CDH20: variants seen among roughly 807,000 people sequenced by gnomAD.
CDH20 encodes the protein cadherin-20.
CDH20 carries 29 observed loss-of-function variants against 74.2 expected under a neutral mutation model. That is an observed-to-expected ratio of 0.39 (90% CI 0.29 to 0.53). The LOEUF (loss-of-function observed/expected upper bound fraction) is 0.53. CDH20 is among the 20% of genes least tolerant of loss of function. CDH20 has a pLI of 0.69. For synonymous variants in CDH20, 469 were observed against 405.4 expected (o/e 1.16, Z -1.88); for missense variants, 988 against 1,048.3 (o/e 0.94, Z 0.79).
chr18:61,415,506 C>T (rs1476021710), intron 1 of CDH20, among the ~76,000 whole-genome samples: 2 of 152,032 alleles, frequency 1.3e-5, no homozygotes, highest in African/African-American at 4.8e-5. Context: ...ATGAAAATAC[C>T]ATATTTTCTT....
intron 1 of CDH20, among the ~76,000 whole-genome samples, chr18:61,383,186 T>C (rs1364441302): frequency 6.6e-6 from 1 of 152,210 alleles, no homozygotes; most frequent in Non-Finnish European, 1.5e-5. Flanking sequence ...TCATCAATAA[T>C]GCTTATCTGA....
chr18:61,368,022 A>T (rs1052121576), intron 1 of CDH20, among the ~76,000 whole-genome samples: 26 of 152,150 alleles, frequency 1.7e-4, no homozygotes, highest in African/African-American at 5.3e-4. Context: ...CACCTGTGCC[A>T]AGAACCTATC....
rs1913372262 is a variant in CDH20 at position 61,549,904 on chromosome 18, C to A, written c.1649-74C>A. The A allele has an allele frequency of 5.4e-6, 8 of 1,492,738 alleles. No homozygotes were observed. In the East Asian group the frequency reaches 1.6e-4, roughly 30 times the overall value. The allele number at this position is 1,492,738 out of a possible 1,614,324, so 92.5% of individuals were successfully genotyped here. A position where few individuals can be genotyped will look rare whatever the true frequency, so the allele number is the denominator to read the frequency against. ...CTTTCCTTCCTACACCCTGCCCCTG[C>A]CCCCTTGCTTTCCTCAATCCAAGAA... On this transcript the variant is annotated intron_variant, in intron 10 of 11. Transcript: ENST00000262717.
rs774222927 is a variant in CDH20 at position 61,507,500 on chromosome 18, A to G, written c.957A>G (p.Ala319=). 10 of 1,613,924 alleles carry G rather than the reference A, an allele frequency of 6.2e-6. No individual in the cohort carries two copies. The highest frequency in any genetic ancestry group is 8.5e-6 in the Non-Finnish European group (10 of 1,179,904). Reference sequence around the variant, plus strand: ...ATACTATTGTGGATGGAGATGGTGCAGATGCCTTTGACATTAGCACAGATC... The same window carrying G: ...ATACTATTGTGGATGGAGATGGTGCGGATGCCTTTGACATTAGCACAGATC... ...MKYTIVDGDG[A]DAFDISTDPN... Residue 319 remains alanine (A), a synonymous_variant, in exon 6 of 12, where the codon GCA becomes GCG. Transcript: ENST00000262717.
At chr18:61,463,298 T>C (rs1257425338) in intron 1 of CDH20, among the ~76,000 whole-genome samples, 1 of 152,188 alleles carries the variant, frequency 6.6e-6, no homozygotes, top group Non-Finnish European at 1.5e-5. Flanking sequence ...AGAGAATCAA[T>C]GGCTGATAGA....
chr18:61,361,608 C>T (rs1296326978), intron 1 of CDH20, among the ~76,000 whole-genome samples: 1 of 152,094 alleles, frequency 6.6e-6, no homozygotes, highest in Non-Finnish European at 1.5e-5. Context: ...TAAGAGGTCA[C>T]CTAAGTGCCA....
At chr18:61,471,839 G>A (rs1910191771) in intron 1 of CDH20, among the ~76,000 whole-genome samples, 1 of 152,094 alleles carries the variant, frequency 6.6e-6, no homozygotes, top group Non-Finnish European at 1.5e-5. Context: ...TGAAAGAGAA[G>A]CTCAGCTGAG....
Position 61,357,307 on chromosome 18 carries a change from G to A in CDH20, c.-153+23480G>A, listed in dbSNP as rs75065484. Among the ~76,000 whole-genome samples, 294 of 152,306 alleles carry A rather than the reference G, an allele frequency of 1.9e-3. 1 individual carries two copies. Among genetic ancestry groups the A allele is most frequent in the African/African-American group, 6.8e-3 (284 of 41,576 alleles). On this transcript the variant is annotated intron_variant, in intron 1 of 11. Coordinates refer to ENST00000262717, the MANE Select transcript of CDH20 (RefSeq NM_031891.4). ...TAACCATTTGTACTTTTAGCTGCAT[G>A]AATCAGAAACCCATCTATAATGGCT...
rs1004121435 is a variant in CDH20 at position 61,356,402 on chromosome 18, T to G, written c.-153+22575T>G. 2.3e-4 allele frequency among the ~76,000 whole-genome samples: 35 copies of G among 152,232 alleles called. 1 individual carries two copies. Among genetic ancestry groups the G allele is most frequent in the Non-Finnish European group, 2.9e-5 (2 of 68,038 alleles). ...AATTTTTAAATCAGGCATTTGTAAT[T>G]AAGTACTTATAAGTGAAATATTATT... On this transcript the variant is annotated intron_variant, in intron 1 of 11. Coordinates refer to ENST00000262717, the MANE Select transcript of CDH20 (RefSeq NM_031891.4).
At chr18:61,512,568 A>G (rs894678248) in intron 6 of CDH20, among the ~76,000 whole-genome samples, 23 of 152,162 alleles carry the variant, frequency 1.5e-4, no homozygotes, top group Non-Finnish European at 5.9e-5. Context: ...AATTTGTTTC[A>G]CCAATGTTAG....
chr18:61,399,492 C>T (rs1912089484), intron 1 of CDH20, among the ~76,000 whole-genome samples: 1 of 152,112 alleles, frequency 6.6e-6, no homozygotes, highest in African/African-American at 2.4e-5. Context: ...TCTTCTCCAG[C>T]CCGAAATCCC....
intron 10 of CDH20, among the ~76,000 whole-genome samples, chr18:61,547,690 TGA>T (rs1280995499): frequency 6.6e-6 from 1 of 152,050 alleles, no homozygotes; most frequent in Non-Finnish European, 1.5e-5. Context: ...GATTAGAAAT[TGA>T]GTCCTGTTTT....
intron 1 of CDH20, among the ~76,000 whole-genome samples, chr18:61,357,849 T>C (rs1910542700): frequency 6.6e-6 from 1 of 152,140 alleles, no homozygotes. Context: ...TCTGACTTCA[T>C]CTCGTGATCT....
chr18:61,414,950 AATTCC>A (rs1424878038), intron 1 of CDH20, among the ~76,000 whole-genome samples: 1 of 152,118 alleles, frequency 6.6e-6, no homozygotes, highest in Non-Finnish European at 1.5e-5. Context: ...TCCAAACTGA[AATTCC>A]ATATCCGTTA....
At chr18:61,357,743 T>C (rs1309769309) in intron 1 of CDH20, among the ~76,000 whole-genome samples, 1 of 152,202 alleles carries the variant, frequency 6.6e-6, no homozygotes, top group Admixed American at 6.5e-5. Flanking sequence ...ACTGTTTGTT[T>C]TTTTTTAAGT....
chr18:61,428,299 T>C (rs1166683979), intron 1 of CDH20, among the ~76,000 whole-genome samples: 1 of 152,214 alleles, frequency 6.6e-6, no homozygotes, highest in East Asian at 1.9e-4. Flanking sequence ...ACAGCACCTC[T>C]GACCTACTGT....
At chr18:61,508,906 G>T (rs1213538352) in intron 6 of CDH20, among the ~76,000 whole-genome samples, 1 of 152,126 alleles carries the variant, frequency 6.6e-6, no homozygotes, top group Non-Finnish European at 1.5e-5. Context: ...CAAAGTGCTG[G>T]GATTACAGGC....
intron 1 of CDH20, among the ~76,000 whole-genome samples, chr18:61,379,483 C>T (rs1911361124): frequency 6.6e-6 from 1 of 152,174 alleles, no homozygotes; most frequent in African/African-American, 2.4e-5. Flanking sequence ...AGTCTTTTCT[C>T]TTTCTAGGCT....
intron 7 of CDH20, among the ~76,000 whole-genome samples, chr18:61,533,145 TA>T (rs910256222): frequency 1.1e-4 from 16 of 151,894 alleles, no homozygotes; most frequent in African/African-American, 2.2e-4. Flanking sequence ...AAATAAAAAA[TA>T]AAAAAAATTT....
Sources: allele counts gnomAD v4.1 joint callset (sites outside exome capture counted in the v4.1 genomes callset), GRCh38; gene constraint gnomAD v4.1.1; transcripts MANE v1.5; gene names NCBI Gene and HGNC (gene_info 2026-07-23, HGNC 2026-07-21).